Variants in RNF31 observed in about 807,000 individuals in gnomAD.
The protein encoded by RNF31 is E3 ubiquitin-protein ligase RNF31.
In RNF31, 38 loss-of-function variants were observed where a neutral mutation model predicts 133.6. The observed-to-expected ratio is 0.28, with a 90% CI of 0.22 to 0.37. The LOEUF is 0.37. RNF31 is among the 10% of genes least tolerant of loss of function. The pLI, the probability that RNF31 is intolerant of heterozygous loss-of-function variation, is 1.00. For missense variants in RNF31, 1,118 were observed against 1,394.1 expected, an observed-to-expected ratio of 0.80 and a Z score of 3.15; for synonymous variants, 582 against 552.3, an observed-to-expected ratio of 1.05 and a Z score of -0.75.
chr14:24,159,512 A>T (rs1351775054), intron 18 of RNF31, among the ~76,000 whole-genome samples: 1 of 151,674 alleles, frequency 6.6e-6, no homozygotes, highest in Non-Finnish European at 1.5e-5. Context: ...GTCTCTATTT[A>T]AAAAATAAAA....
chr14:24,155,141 A>AC lies in RNF31; in HGVS notation c.2131-12dup. 1 of 1,609,388 alleles carries AC rather than the reference A, an allele frequency of 6.2e-7. No homozygotes were observed. The highest frequency in any genetic ancestry group is 1.1e-5 in the South Asian group (1 of 90,922). ...GTGGCTTCTGACCCCCTCCCCTCCAACCCCTCACCCTCCAGATGCAGGCCC... is the reference window on the plus strand; with the variant it reads ...GTGGCTTCTGACCCCCTCCCCTCCAACCCCCTCACCCTCCAGATGCAGGCCC... On this transcript the variant is annotated splice_polypyrimidine_tract_variant and intron_variant, in intron 11 of 20. Coordinates refer to ENST00000324103, the MANE Select transcript of RNF31 (RefSeq NM_017999.5). The surrounding 1 kb of genome is among the most constrained non-coding windows in gnomAD (Gnocchi z 4.9).
chr14:24,148,620 G>T, intron 3 of RNF31, 22 bp from the exon 4 acceptor site: 1 of 1,613,766 alleles, frequency 6.2e-7, no homozygotes, highest in Non-Finnish European at 8.5e-7. Context: ...GCTGGAAACC[G>T]TTTTTATCTG....
Position 24,160,027 on chromosome 14 carries a change from C to T in RNF31, c.2996+67C>T. ...TAGAAGTGGTGAGGGCATGCCCAGG[C>T]AGTAAAATGGGTCCTTGGGAGCAGT... On this transcript the variant is annotated intron_variant, in intron 19 of 20. Coordinates refer to ENST00000324103, the MANE Select transcript of RNF31 (RefSeq NM_017999.5). The surrounding 1 kb of genome is among the most constrained non-coding windows in gnomAD (Gnocchi z 4.0). 2 of 1,486,854 alleles carry T rather than the reference C, an allele frequency of 1.3e-6. No homozygotes were observed. Among genetic ancestry groups the T allele is most frequent in the Non-Finnish European group, 1.9e-6 (2 of 1,077,188 alleles). The allele number at this position is 1,486,854 out of a possible 1,614,324, so 92.1% of individuals were successfully genotyped here.
intron 6 of RNF31, 30 bp from the exon 7 acceptor site, chr14:24,150,031 C>T (rs752935534): frequency 5.2e-6 from 8 of 1,524,544 alleles, no homozygotes; most frequent in Non-Finnish European, 6.1e-6. Context: ...GGTGCCACTT[C>T]AGCAGGCCAT....
chr14:24,160,298 C>T lies in RNF31; in HGVS notation c.3056C>T (p.Thr1019Ile). 1 of 1,614,180 alleles carries T rather than the reference C, an allele frequency of 6.2e-7. No individual in the cohort carries two copies. Among genetic ancestry groups the T allele is most frequent in the Non-Finnish European group, 8.5e-7 (1 of 1,180,020 alleles). Residue 1019 changes from threonine (T) to isoleucine (I), a missense_variant, in exon 20 of 21, where the codon ACC (threonine) becomes ATC (isoleucine). Transcript: ENST00000324103. This position sits in a 1 kb window ranked among gnomAD's most constrained non-coding sequence, Gnocchi z 4.0. ...LINAHSLDPA[T>I]LYEVEELETA... The stretch of plus-strand genomic sequence containing the variant: ...AATGCCCACTCGCTGGACCCAGCCA[C>T]CTTGTATGAGGTGGAAGAGCTGGAG...
rs1304774201 is a variant in RNF31, at chr14:24,155,744, TG to T, written c.2493+53del. ...TACTTGCTGAGCTACTGCCAGGTAC[TG>T]TGTTAGACTCAGGGGAGTTTGTGTA... On this transcript the variant is annotated intron_variant, in intron 14 of 20. Coordinates refer to ENST00000324103, the MANE Select transcript of RNF31 (RefSeq NM_017999.5). This position sits in a 1 kb window ranked among gnomAD's most constrained non-coding sequence, Gnocchi z 4.9. The T allele has an allele frequency of 1.3e-6, 2 of 1,513,708 alleles. No individual in the cohort carries two copies. The highest frequency in any genetic ancestry group is 1.8e-6 in the Non-Finnish European group (2 of 1,091,502). The allele number at this position is 1,513,708 out of a possible 1,614,324, so 93.8% of individuals were successfully genotyped here.
Position 24,160,438 on chromosome 14 carries a change from C to A in RNF31, c.3165+31C>A. 6.2e-7 allele frequency: 1 copy of A among 1,607,878 alleles called. No individual in the cohort carries two copies. Among genetic ancestry groups the A allele is most frequent in the South Asian group, 1.1e-5 (1 of 90,738 alleles). On this transcript the variant is annotated intron_variant, in intron 20 of 20. Coordinates refer to ENST00000324103, the MANE Select transcript of RNF31 (RefSeq NM_017999.5). This position sits in a 1 kb window ranked among gnomAD's most constrained non-coding sequence, Gnocchi z 4.0. ...GCCTCCACCCAGCCTCATCTCTTAA[C>A]CCACCCTACAGAAGTCACCTGGTGC...
Position 24,150,040 on chromosome 14 carries a change from A to G in RNF31, c.810-21A>G, listed in dbSNP as rs754042368. ...GCACCAGGTGCCACTTCAGCAGGCC[A>G]TGTCTGCTTTTCCATTACAGTTTAC... is the stretch of plus-strand genomic sequence containing the variant. On this transcript the variant is annotated intron_variant, in intron 6 of 20. Transcript: ENST00000324103. 4 of 1,536,658 alleles carry G rather than the reference A, an allele frequency of 2.6e-6. No individual in the cohort carries two copies. The African/African-American group carries it at 4.1e-5, about 16-fold the overall frequency.
rs75178480 is a variant in RNF31, at chr14:24,157,743, G to A, written c.2727+105G>A. 10,014 of 1,142,538 alleles carry A rather than the reference G, an allele frequency of 8.8e-3. 231 individuals carry two copies. Among genetic ancestry groups the A allele is most frequent in the African/African-American group, 0.078 (5,159 of 65,792 alleles). 70.8% of individuals were successfully genotyped at this position (1,142,538 alleles called of 1,614,324 possible). A position where few individuals can be genotyped will look rare whatever the true frequency, so the allele number is the denominator to read the frequency against. The stretch of plus-strand genomic sequence containing the variant: ...GCCCCGGGGAAGAGAAGAGGTCAAC[G>A]GGATGTAAAGCACAACTCTCTGTCC... On this transcript the variant is annotated intron_variant, in intron 16 of 20. Coordinates refer to ENST00000324103, the MANE Select transcript of RNF31 (RefSeq NM_017999.5).
chr14:24,151,261 G>A lies in RNF31; in HGVS notation c.1619G>A (p.Gly540Glu). ...CTGGAGATGGTGGCTGAGCTGGCTG[G>A]ACAGCAGGACCCTGGGCTGGGTGCC... ...YVLEMVAELA[G>E]QQDPGLGAFS... is the part of the protein sequence containing the mutation. The change falls in exon 9 of 21, where the codon GGA becomes GAA. Residue 540 changes from glycine (G) to glutamate (E), a missense_variant. This residue lies in a region of RNF31 where 747 missense variants were observed against 827.9 expected (regional missense o/e 0.90). Transcript: ENST00000324103. This position sits in a 1 kb window ranked among gnomAD's most constrained non-coding sequence, Gnocchi z 5.3. 1 of 1,614,222 alleles carries A rather than the reference G, an allele frequency of 6.2e-7. No individual in the cohort carries two copies. The highest frequency in any genetic ancestry group is 1.3e-5 in the African/African-American group (1 of 75,066).
intron 5 of RNF31, 97 bp downstream of exon 5, chr14:24,148,973 T>C: frequency 8.7e-7 from 1 of 1,151,016 alleles, no homozygotes; most frequent in Non-Finnish European, 1.3e-6. Context: ...TTTGTGTTTG[T>C]TTGTTTTGAG....
chr14:24,155,781 A>G lies in RNF31; in HGVS notation c.2493+89A>G, dbSNP rs2038333564. The G allele has an allele frequency of 1.5e-5, 17 of 1,107,514 alleles. No individual in the cohort carries two copies. Among genetic ancestry groups the G allele is most frequent in the Non-Finnish European group, 2.3e-5 (17 of 731,446 alleles). The allele number at this position is 1,107,514 out of a possible 1,614,324, so 68.6% of individuals were successfully genotyped here. ...AGGGGAGTTTGTGTACTGGAGAGCA[A>G]AACAGACATGAGCTCTGAGGTCAAA... On this transcript the variant is annotated intron_variant, in intron 14 of 20. Coordinates refer to ENST00000324103, the MANE Select transcript of RNF31 (RefSeq NM_017999.5). The surrounding 1 kb of genome is among the most constrained non-coding windows in gnomAD (Gnocchi z 4.9).
At position 24,155,149 on chromosome 14, in the gene RNF31, C is replaced by T; in HGVS notation, c.2131-8C>T. Reference sequence around the variant, plus strand: ...TGACCCCCTCCCCTCCAACCCCTCACCCTCCAGATGCAGGCCCTGACTTCC... The same window carrying T: ...TGACCCCCTCCCCTCCAACCCCTCATCCTCCAGATGCAGGCCCTGACTTCC... On this transcript the variant is annotated splice_region_variant and splice_polypyrimidine_tract_variant and intron_variant, in intron 11 of 20. Transcript: ENST00000324103. The surrounding 1 kb of genome is among the most constrained non-coding windows in gnomAD (Gnocchi z 4.9). 1 of 1,612,758 alleles carries T rather than the reference C, an allele frequency of 6.2e-7. No homozygotes were observed. Among genetic ancestry groups the T allele is most frequent in the Non-Finnish European group, 8.5e-7 (1 of 1,178,876 alleles).
At chr14:24,156,666 C>G (rs2038344615) in intron 14 of RNF31, among the ~76,000 whole-genome samples, 2 of 152,002 alleles carry the variant, frequency 1.3e-5, no homozygotes, top group South Asian at 4.1e-4. Flanking sequence ...GTAATCCCAA[C>G]TACTCTGGAG....
chr14:24,147,780 G>A lies in RNF31; in HGVS notation c.82G>A (p.Ala28Thr). The A allele has an allele frequency of 1.9e-6, 3 of 1,584,220 alleles. No individual in the cohort carries two copies. Among genetic ancestry groups the A allele is most frequent in the Non-Finnish European group, 2.6e-6 (3 of 1,168,046 alleles). Residue 28 changes from alanine (A) to threonine (T), a missense_variant, in exon 1 of 21, where the codon GCG (alanine) becomes ACG (threonine). Around this residue, in one of 3 missense-constraint regions of RNF31, gnomAD observed 747 missense variants for 827.9 expected, o/e 0.90. Coordinates refer to ENST00000324103, the MANE Select transcript of RNF31 (RefSeq NM_017999.5). ...CGCCCTGAGGAGGGATTCCGGGCAG[G>A]CGTTTTCCCTGGAGCAGCTCCGGCC... ...ASALRRDSGQ[A>T]FSLEQLRPLL...
chr14:24,148,728 G>A (rs770469262), intron 4 of RNF31, 27 bp downstream of exon 4: 29 of 1,613,870 alleles, frequency 1.8e-5, no homozygotes, highest in Non-Finnish European at 2.5e-5. Context: ...AGGGGCTGGT[G>A]TACAAAGGAA....
intron 18 of RNF31, among the ~76,000 whole-genome samples, chr14:24,159,599 A>C (rs2038412386): frequency 6.8e-6 from 1 of 147,218 alleles, no homozygotes; most frequent in Non-Finnish European, 1.5e-5. Flanking sequence ...AAAAAAAAAA[A>C]AAAAAAACAC....
At chr14:24,157,483 A>T in intron 15 of RNF31, 37 bp from the exon 16 acceptor site, 2 of 1,603,812 alleles carry the variant, frequency 1.2e-6, no homozygotes, top group South Asian at 2.2e-5. Flanking sequence ...CTTGAGTTGC[A>T]GCGGCAGCTC....
Position 24,157,962 on chromosome 14 carries a change from T to C in RNF31, c.2792T>C (p.Leu931Pro). 2 of 1,614,166 alleles carry C rather than the reference T, an allele frequency of 1.2e-6. No individual in the cohort carries two copies. Among genetic ancestry groups the C allele is most frequent in the South Asian group, 1.1e-5 (1 of 91,082 alleles). Residue 931 changes from leucine to proline, a missense_variant, in exon 17 of 21, where the codon CTC (leucine) becomes CCC (proline). Physicochemically the swap from Leu to Pro is moderately conservative, Grantham distance 98. Around this residue, in one of 3 missense-constraint regions of RNF31, gnomAD observed 170 missense variants for 194.5 expected, o/e 0.87. Transcript: ENST00000324103. ...CACGGCCACCACCCTCGAGACTGCCTCTTCTACCTGCGGGACTGGACTGCT... is the reference window on the plus strand; with the variant it reads ...CACGGCCACCACCCTCGAGACTGCCCCTTCTACCTGCGGGACTGGACTGCT... ...SLHGHHPRDC[L>P]FYLRDWTALR...
Sources: allele counts gnomAD v4.1 joint callset (sites outside exome capture counted in the v4.1 genomes callset), GRCh38; gene constraint gnomAD v4.1.1; regional missense constraint gnomAD v4.1.1; non-coding constraint Gnocchi (gnomAD v3.1); transcripts MANE v1.5; gene names NCBI Gene and HGNC (gene_info 2026-07-23, HGNC 2026-07-21).